Variants in CADM2 observed in about 807,000 individuals in gnomAD.
CADM2 encodes cell adhesion molecule 2.
CADM2 carries 12 observed loss-of-function variants against 49.8 expected under a neutral mutation model. That is an observed-to-expected ratio of 0.24 (90% confidence interval 0.15 to 0.39). The LOEUF is 0.39. Ranked by LOEUF, CADM2 falls within the 10% of genes least tolerant of loss-of-function variation. CADM2 has a pLI of 1.00. For missense variants in CADM2, 378 were observed against 492.3 expected, an observed-to-expected ratio of 0.77 and a Z score of 2.20; for synonymous variants, 214 against 175.4, an observed-to-expected ratio of 1.22 and a Z score of -1.74.
chr3:84,990,941 A>G (rs572753107), intron 1 of CADM2, among the ~76,000 whole-genome samples: 1 of 152,248 alleles, frequency 6.6e-6, no homozygotes, highest in South Asian at 2.1e-4. Context: ...AAGGTAAAAT[A>G]ATTTATAGAC....
chr3:85,783,333 G>A (rs1442618747), intron 2 of CADM2, among the ~76,000 whole-genome samples: 3 of 152,190 alleles, frequency 2.0e-5, no homozygotes, highest in Non-Finnish European at 2.9e-5. Context: ...CCACTGATGA[G>A]CACTATTTAC....
intron 1 of CADM2, among the ~76,000 whole-genome samples, chr3:85,204,916 A>C (rs2107753692): frequency 6.6e-6 from 1 of 152,208 alleles, no homozygotes; most frequent in South Asian, 2.1e-4. Flanking sequence ...AATAAAATGA[A>C]GATTTTCCTA....
chr3:85,548,409 A>C (rs2061720326), intron 1 of CADM2, among the ~76,000 whole-genome samples: 2 of 151,826 alleles, frequency 1.3e-5, no homozygotes, highest in Admixed American at 6.6e-5. Flanking sequence ...CCTAAGGATA[A>C]ATGTGTGCCA....
intron 1 of CADM2, among the ~76,000 whole-genome samples, chr3:84,988,612 C>A (rs1230964394): frequency 6.6e-6 from 1 of 152,202 alleles, no homozygotes; most frequent in Non-Finnish European, 1.5e-5. Flanking sequence ...TTGAAACCCT[C>A]ATTGGCCACC....
intron 8 of CADM2, among the ~76,000 whole-genome samples, chr3:85,975,865 A>C (rs1459254672): frequency 6.6e-6 from 1 of 151,538 alleles, no homozygotes; most frequent in Admixed American, 6.6e-5. Flanking sequence ...TAAATTATGC[A>C]TCACATGCCA....
intron 1 of CADM2, among the ~76,000 whole-genome samples, chr3:85,282,035 A>G (rs2043512288): frequency 1.3e-5 from 2 of 152,084 alleles, no homozygotes; most frequent in African/African-American, 2.4e-5. Flanking sequence ...ATATTAAACT[A>G]CATATTCTTC....
rs147249132 is a variant in CADM2 at position 85,179,850 on chromosome 3, G to A, written c.61+220182G>A. Among the ~76,000 whole-genome samples, 799 of 152,102 alleles carry A rather than the reference G, an allele frequency of 5.3e-3. 6 individuals are homozygous for A. Among genetic ancestry groups the A allele is most frequent in the African/African-American group, 0.018 (758 of 41,536 alleles). On this transcript the variant is annotated intron_variant, in intron 1 of 9. Transcript: ENST00000383699. Reference sequence around the variant, plus strand: ...TTTACATTATCTTTTTCATTTAATAGGATGTTAATATGACCAATTGCACAA... The same window carrying A: ...TTTACATTATCTTTTTCATTTAATAAGATGTTAATATGACCAATTGCACAA...
intron 3 of CADM2, among the ~76,000 whole-genome samples, chr3:85,839,870 C>T (rs956758640): frequency 4.0e-5 from 6 of 151,728 alleles, no homozygotes; most frequent in African/African-American, 7.3e-5. Context: ...TTATCATTGC[C>T]ATCTGAGAGT....
At chr3:85,189,413 T>G (rs769246172) in intron 1 of CADM2, among the ~76,000 whole-genome samples, 1 of 152,088 alleles carries the variant, frequency 6.6e-6, no homozygotes, top group Admixed American at 6.6e-5. Flanking sequence ...GAACCAGGGA[T>G]TTGAGGCAAT....
intron 1 of CADM2, among the ~76,000 whole-genome samples, chr3:85,496,575 G>A (rs1427689107): frequency 6.6e-6 from 1 of 152,134 alleles, no homozygotes; most frequent in African/African-American, 2.4e-5. Context: ...GGATTGCTAG[G>A]TCAAATGGAG....
rs148009787 is a variant in CADM2 at position 85,986,224 on chromosome 3, A to G, written c.970+24577A>G. Among the ~76,000 whole-genome samples, 973 of 152,186 alleles carry G rather than the reference A, an allele frequency of 6.4e-3. 4 individuals are homozygous for G. Among genetic ancestry groups the G allele is most frequent in the Non-Finnish European group, 9.3e-3 (633 of 67,972 alleles). ...TTCCTTCTTGGTTTAAATGCTTTAAAAACAGAATACAAAGAAATAAAGAAA... is the reference window on the plus strand; with the variant it reads ...TTCCTTCTTGGTTTAAATGCTTTAAGAACAGAATACAAAGAAATAAAGAAA... On this transcript the variant is annotated intron_variant, in intron 8 of 9. Coordinates refer to ENST00000383699, the MANE Select transcript of CADM2 (RefSeq NM_001167675.2).
intron 1 of CADM2, among the ~76,000 whole-genome samples, chr3:85,244,592 TC>T (rs2042607312): frequency 6.6e-6 from 1 of 152,194 alleles, no homozygotes; most frequent in Non-Finnish European, 1.5e-5. Context: ...TCATTATTTC[TC>T]ATTTTCCAAG....
At chr3:85,152,939 G>A (rs2039975730) in intron 1 of CADM2, among the ~76,000 whole-genome samples, 1 of 150,284 alleles carries the variant, frequency 6.7e-6, no homozygotes, top group African/African-American at 2.5e-5. Flanking sequence ...ACTCCAGCCT[G>A]GGCTACAGAG....
chr3:85,836,513 A>G (rs1216508239), intron 3 of CADM2, among the ~76,000 whole-genome samples: 1 of 151,618 alleles, frequency 6.6e-6, no homozygotes, highest in African/African-American at 2.4e-5. Context: ...AAAATGTGGA[A>G]ATTACTCTCT....
At chr3:85,151,213 T>A (rs1042640825) in intron 1 of CADM2, among the ~76,000 whole-genome samples, 8 of 152,104 alleles carry the variant, frequency 5.3e-5, no homozygotes, top group African/African-American at 1.9e-4. Flanking sequence ...TTTATACAAA[T>A]TCTCCTCATA....
intron 1 of CADM2, among the ~76,000 whole-genome samples, chr3:85,499,591 A>C (rs368366041): frequency 2.6e-5 from 4 of 151,644 alleles, no homozygotes; most frequent in Non-Finnish European, 4.4e-5. Flanking sequence ...TTTAATTCTA[A>C]AATTTTATAT....
At chr3:85,482,134 G>C (rs544444499) in intron 1 of CADM2, among the ~76,000 whole-genome samples, 1 of 151,602 alleles carries the variant, frequency 6.6e-6, no homozygotes, top group African/African-American at 2.4e-5. Flanking sequence ...TTATTCCTAG[G>C]GCATGCTTAT....
chr3:85,763,604 G>C (rs2069505037), intron 2 of CADM2, among the ~76,000 whole-genome samples: 1 of 152,100 alleles, frequency 6.6e-6, no homozygotes, highest in Non-Finnish European at 1.5e-5. Flanking sequence ...TGGTGATGTG[G>C]CCATCTCTCA....
chr3:85,945,299 A>C (rs1722520583), intron 7 of CADM2, among the ~76,000 whole-genome samples: 2 of 151,638 alleles, frequency 1.3e-5, no homozygotes, highest in African/African-American at 2.4e-5. Context: ...GCTTACCAAC[A>C]AAAAAAAGTC....
Sources: allele counts gnomAD v4.1 joint callset (sites outside exome capture counted in the v4.1 genomes callset), GRCh38; gene constraint gnomAD v4.1.1; transcripts MANE v1.5; gene names NCBI Gene and HGNC (gene_info 2026-07-23, HGNC 2026-07-21).